Variants in GALNT10 observed in about 807,000 individuals in gnomAD.
GALNT10 encodes GalNAc transferase 10.
A neutral mutation model predicts 75.0 loss-of-function variants in GALNT10; 41 were observed. The ratio of observed to expected loss-of-function variants is 0.55; its 90% CI spans 0.43 to 0.71. The LOEUF is 0.71. GALNT10 is among the 30% of genes least tolerant of loss of function. GALNT10 has a pLI of 0.00. For missense variants in GALNT10, 727 were observed against 818.5 expected, an observed-to-expected ratio of 0.89 and a Z score of 1.36; for synonymous variants, 302 against 313.0, an observed-to-expected ratio of 0.96 and a Z score of 0.37.
intron 1 of GALNT10, among the ~76,000 whole-genome samples, chr5:154,222,406 A>G (rs1166663234): frequency 6.6e-6 from 1 of 152,202 alleles, no homozygotes; most frequent in African/African-American, 2.4e-5. Context: ...TTGGGTTATT[A>G]CAAATAAAGC....
rs182657979 is a variant in GALNT10, at chr5:154,258,404, A to G, written c.160-36412A>G. ...AGTCAAACTTTTTTAAATGAATAAC[A>G]TTAAAATCCACACACATATACCTAA... On this transcript the variant is annotated intron_variant, in intron 1 of 11. Coordinates refer to ENST00000297107, the MANE Select transcript of GALNT10 (RefSeq NM_198321.4). Among the ~76,000 whole-genome samples, 360 of 152,344 alleles carry G rather than the reference A, an allele frequency of 2.4e-3. 2 individuals carry two copies. Among genetic ancestry groups the G allele is most frequent in the Middle Eastern group, 6.8e-3 (2 of 294 alleles).
intron 1 of GALNT10, among the ~76,000 whole-genome samples, chr5:154,266,486 C>T (rs527304408): frequency 6.6e-6 from 1 of 151,746 alleles, no homozygotes; most frequent in African/African-American, 2.4e-5. Context: ...TACCTAGTTT[C>T]CTATAGAGGA....
intron 1 of GALNT10, among the ~76,000 whole-genome samples, chr5:154,247,053 G>T (rs1368394611): frequency 1.3e-5 from 2 of 152,122 alleles, no homozygotes; most frequent in South Asian, 2.1e-4. Flanking sequence ...CCAGCACCAT[G>T]TATTAAATAG....
At chr5:154,268,000 T>C (rs1753802344) in intron 1 of GALNT10, among the ~76,000 whole-genome samples, 1 of 152,236 alleles carries the variant, frequency 6.6e-6, no homozygotes, top group Non-Finnish European at 1.5e-5. Flanking sequence ...GCAAATTTTA[T>C]AGGCAGCTTG....
intron 1 of GALNT10, among the ~76,000 whole-genome samples, chr5:154,229,450 C>T (rs376310692): frequency 3.9e-5 from 6 of 152,274 alleles, no homozygotes; most frequent in Admixed American, 6.5e-5. Context: ...AAGTTCCTGC[C>T]GGACGTGGTG....
intron 1 of GALNT10, among the ~76,000 whole-genome samples, chr5:154,207,003 C>G (rs1172367104): frequency 6.6e-6 from 1 of 152,188 alleles, no homozygotes; most frequent in African/African-American, 2.4e-5. Context: ...CTGAGGCCAC[C>G]AAGATGTGTA....
At position 154,419,481 on chromosome 5, in the gene GALNT10, C is replaced by T. The variant is rs181031197; in HGVS notation, c.*2509C>T. The T allele has an allele frequency of 3.9e-5, 6 of 152,402 alleles. No individual in the cohort carries two copies. In the East Asian group the frequency reaches 1.2e-3, roughly 29 times the overall value. 9.4% of individuals were successfully genotyped at this position (152,402 alleles called of 1,614,324 possible). ...TGGGCGGCAGTGTTCCTGGCATGACCAGGATTCCTGTGAAAGCAGGAGCAG... is the reference window on the plus strand; with the variant it reads ...TGGGCGGCAGTGTTCCTGGCATGACTAGGATTCCTGTGAAAGCAGGAGCAG... On this transcript the variant is annotated 3_prime_UTR_variant, in exon 12 of 12. Coordinates refer to ENST00000297107, the MANE Select transcript of GALNT10 (RefSeq NM_198321.4).
chr5:154,282,641 C>G (rs1171469866), intron 1 of GALNT10, among the ~76,000 whole-genome samples: 3 of 152,146 alleles, frequency 2.0e-5, no homozygotes. Context: ...ATTTTAGGAT[C>G]AGGTGAGCCA....
intron 7 of GALNT10, among the ~76,000 whole-genome samples, chr5:154,401,658 C>A (rs556964756): frequency 6.6e-6 from 1 of 152,074 alleles, no homozygotes; most frequent in Non-Finnish European, 1.5e-5. Flanking sequence ...TTTCTCCAGG[C>A]AGCACTTCCA....
At chr5:154,261,307 G>A (rs1263109909) in intron 1 of GALNT10, among the ~76,000 whole-genome samples, 2 of 152,116 alleles carry the variant, frequency 1.3e-5, no homozygotes, top group African/African-American at 4.8e-5. Flanking sequence ...CACCTTACAG[G>A]TGGAGAAACG....
At chr5:154,198,588 T>G (rs6580059) in intron 1 of GALNT10, among the ~76,000 whole-genome samples, 1 of 152,102 alleles carries the variant, frequency 6.6e-6, no homozygotes, top group Non-Finnish European at 1.5e-5. Context: ...AAGGAAATTG[T>G]GCATGCAGAG....
intron 4 of GALNT10, among the ~76,000 whole-genome samples, chr5:154,333,847 T>G (rs1395666040): frequency 6.6e-6 from 1 of 152,234 alleles, no homozygotes; most frequent in Non-Finnish European, 1.5e-5. Flanking sequence ...TCAGCTGTCA[T>G]GTTTTGCAGC....
chr5:154,232,953 A>G (rs1410110271), intron 1 of GALNT10, among the ~76,000 whole-genome samples: 1 of 152,186 alleles, frequency 6.6e-6, no homozygotes, highest in African/African-American at 2.4e-5. Flanking sequence ...AACAGAGTAT[A>G]TATGGCCTGT....
At chr5:154,345,697 C>A (rs1426383726) in intron 4 of GALNT10, among the ~76,000 whole-genome samples, 1 of 149,132 alleles carries the variant, frequency 6.7e-6, no homozygotes, top group Non-Finnish European at 1.5e-5. Flanking sequence ...TGCAGTGCCC[C>A]AGTCATGGCT....
At chr5:154,252,442 T>A (rs1294244700) in intron 1 of GALNT10, among the ~76,000 whole-genome samples, 2 of 152,198 alleles carry the variant, frequency 1.3e-5, no homozygotes, top group South Asian at 4.1e-4. Flanking sequence ...TTGGTTTTGC[T>A]GGATATAAAA....
chr5:154,246,431 C>T (rs1462612124), intron 1 of GALNT10, among the ~76,000 whole-genome samples: 9 of 152,116 alleles, frequency 5.9e-5, no homozygotes, highest in South Asian at 4.1e-4. Flanking sequence ...ACCAACAGTG[C>T]AAAAATGTTC....
At chr5:154,387,915 T>TTTC in intron 7 of GALNT10, 1 of 149,166 alleles carries the variant, frequency 6.7e-6, no homozygotes, top group Non-Finnish European at 1.5e-5. Context: ...TTTTGTTTTT[T>TTTC]TTTTTTTGAG....
chr5:154,409,785 G>A lies in GALNT10; in HGVS notation c.1386+23G>A. On this transcript the variant is annotated intron_variant, in intron 9 of 11. Transcript: ENST00000297107. The surrounding 1 kb of genome is among the most constrained non-coding windows in gnomAD (Gnocchi z 4.5). ...GAGGTGAGTCTGGAGGGCAGGGCTG[G>A]CTCCATAATTTAATGGGTGTGCAAA... The A allele has an allele frequency of 1.3e-6, 2 of 1,523,172 alleles. No homozygotes were observed. The highest frequency in any genetic ancestry group is 1.8e-6 in the Non-Finnish European group (2 of 1,097,624). The allele number at this position is 1,523,172 out of a possible 1,614,324, so 94.4% of individuals were successfully genotyped here.
chr5:154,201,428 G>T (rs1216182468), intron 1 of GALNT10, among the ~76,000 whole-genome samples: 3 of 152,164 alleles, frequency 2.0e-5, no homozygotes, highest in African/African-American at 7.2e-5. Flanking sequence ...ACTTGGAAGT[G>T]TAAGTATATA....
Sources: allele counts gnomAD v4.1 joint callset (sites outside exome capture counted in the v4.1 genomes callset), GRCh38; gene constraint gnomAD v4.1.1; non-coding constraint Gnocchi (gnomAD v3.1); transcripts MANE v1.5; gene names NCBI Gene and HGNC (gene_info 2026-07-23, HGNC 2026-07-21).